ELP3: variants seen among roughly 807,000 people sequenced by gnomAD.
The protein encoded by ELP3 is elongator complex protein 3.
ELP3 carries 56 observed loss-of-function variants against 74.9 expected under a neutral mutation model. That is an observed-to-expected ratio of 0.75 (90% confidence interval 0.60 to 0.93). ELP3 has a LOEUF of 0.93. Ranked by LOEUF, ELP3 falls within the 40% of genes least tolerant of loss-of-function variation. The pLI is 0.00. For missense variants in ELP3, 573 were observed against 686.5 expected, an observed-to-expected ratio of 0.83 and a Z score of 1.85; for synonymous variants, 222 against 239.8, an observed-to-expected ratio of 0.93 and a Z score of 0.68.
At position 28,107,822 on chromosome 8, in the gene ELP3, T is replaced by C. The variant is rs77315736; in HGVS notation, c.330-91T>C. On this transcript the variant is annotated intron_variant, in intron 4 of 14. Coordinates refer to ENST00000256398, the MANE Select transcript of ELP3 (RefSeq NM_018091.6). ...ATTTGAAAAGGAAGCTCATTTGTTA[T>C]CAGGATTCTTTGGAGATGGTAGATG... The C allele has an allele frequency of 2.2e-3, 2,057 of 939,536 alleles. 38 individuals carry two copies. In the African/African-American group the frequency reaches 0.03, roughly 14 times the overall value. The allele number at this position is 939,536 out of a possible 1,614,324, so 58.2% of individuals were successfully genotyped here.
chr8:28,110,340 T>G (rs1340780212), intron 5 of ELP3, 30 bp from the exon 6 acceptor site: 5 of 1,584,328 alleles, frequency 3.2e-6, no homozygotes, highest in Non-Finnish European at 4.3e-6. Context: ...TTTAATTCAA[T>G]GTGGGCATAA....
In ELP3 at chr8:28,189,715, T is replaced by C; in HGVS notation, c.1634T>C (p.Met545Thr). 1 of 1,614,058 alleles carries C rather than the reference T, an allele frequency of 6.2e-7. No individual in the cohort carries two copies. Among genetic ancestry groups the C allele is most frequent in the Non-Finnish European group, 8.5e-7 (1 of 1,179,930 alleles). Residue 545 changes from methionine (M) to threonine (T), a missense_variant, in exon 15 of 15, where the codon ATG becomes ACG. Physicochemically the swap from Met to Thr is moderately conservative, Grantham distance 81. Transcript: ENST00000256398. The stretch of plus-strand genomic sequence containing the variant: ...TTACAAGGCCCGTACATGGTGAAGA[T>C]GCTGAAATAATGGCCACACCAGTCC... ...YRLQGPYMVK[M>T]LK
intron 9 of ELP3, among the ~76,000 whole-genome samples, chr8:28,134,037 G>A (rs1341602902): frequency 6.6e-6 from 1 of 152,090 alleles, no homozygotes; most frequent in Non-Finnish European, 1.5e-5. Context: ...CATGTGCCAC[G>A]TTGGTTGGCT....
chr8:28,163,728 A>T (rs977428919), intron 14 of ELP3, among the ~76,000 whole-genome samples: 3 of 152,212 alleles, frequency 2.0e-5, no homozygotes, highest in Non-Finnish European at 2.9e-5. Context: ...CCCTCTGCAC[A>T]TGTGTCTGTG....
chr8:28,157,649 T>A (rs1585721867), intron 11 of ELP3, among the ~76,000 whole-genome samples: 1 of 152,330 alleles, frequency 6.6e-6, no homozygotes, highest in East Asian at 1.9e-4. Context: ...ATCATCAAAT[T>A]TCCCACAGTG....
chr8:28,141,084 C>G (rs1813218744), intron 10 of ELP3, among the ~76,000 whole-genome samples: 1 of 152,142 alleles, frequency 6.6e-6, no homozygotes, highest in Non-Finnish European at 1.5e-5. Context: ...TTATTGCCTG[C>G]TAACAGAACT....
At chr8:28,156,177 C>A in intron 11 of ELP3, 145 bp downstream of exon 11, 1 of 680,772 alleles carries the variant, frequency 1.5e-6, no homozygotes, top group Non-Finnish European at 2.6e-6. Context: ...AGTCACTGAA[C>A]TGTGTCGGAG....
upstream of ELP3, among the ~76,000 whole-genome samples, chr8:28,091,535 G>A (rs1263773275): frequency 6.6e-6 from 1 of 152,188 alleles, no homozygotes; most frequent in Admixed American, 6.5e-5. Context: ...TCATAGTGGG[G>A]TCAAAGCCTC....
intron 14 of ELP3, among the ~76,000 whole-genome samples, chr8:28,167,593 A>G (rs1287066157): frequency 1.3e-5 from 2 of 152,198 alleles, no homozygotes; most frequent in Non-Finnish European, 2.9e-5. Flanking sequence ...TCATTGTAGC[A>G]TATCTATTTG....
chr8:28,168,649 T>C (rs533846519), intron 14 of ELP3, among the ~76,000 whole-genome samples: 1 of 152,296 alleles, frequency 6.6e-6, no homozygotes, highest in East Asian at 1.9e-4. Flanking sequence ...AAGCAAGCCC[T>C]CTCCAAAAGT....
At chr8:28,097,185 C>A in intron 1 of ELP3, 34 bp from the exon 2 acceptor site, 1 of 1,430,030 alleles carries the variant, frequency 7.0e-7, no homozygotes, top group Non-Finnish European at 9.7e-7. Flanking sequence ...TTGAATGATA[C>A]GATTTTTGAC....
chr8:28,106,040 A>G (rs190672166), intron 3 of ELP3, among the ~76,000 whole-genome samples: 1 of 152,364 alleles, frequency 6.6e-6, no homozygotes, highest in Admixed American at 6.5e-5. Flanking sequence ...AGAATTGCTT[A>G]AAGAAATTTT....
chr8:28,186,548 G>A (rs567094391), intron 14 of ELP3, among the ~76,000 whole-genome samples: 12 of 152,236 alleles, frequency 7.9e-5, no homozygotes, highest in Admixed American at 5.2e-4. Context: ...GTCCATTTTC[G>A]ATTGCTTATA....
chr8:28,167,072 A>G (rs1814334678), intron 14 of ELP3, among the ~76,000 whole-genome samples: 1 of 152,242 alleles, frequency 6.6e-6, no homozygotes, highest in African/African-American at 2.4e-5. Flanking sequence ...GACAGAAATC[A>G]CTGAAGTCAG....
chr8:28,190,135 AGT>A lies in ELP3; in HGVS notation c.*411_*412del, dbSNP rs1815402857. On this transcript the variant is annotated 3_prime_UTR_variant, in exon 15 of 15. Transcript: ENST00000256398. ...TTATTTATATACCCTGGGGACAGAA[AGT>A]CAGGTTGAAACAGGAAAACCACCAG... 1.3e-5 allele frequency: 2 copies of A among 158,864 alleles called. No homozygotes were observed. The highest frequency in any genetic ancestry group is 4.8e-5 in the African/African-American group (2 of 41,586). 9.8% of individuals were successfully genotyped at this position (158,864 alleles called of 1,614,324 possible). A position where few individuals can be genotyped will look rare whatever the true frequency, so the allele number is the denominator to read the frequency against.
intron 3 of ELP3, 58 bp from the exon 4 acceptor site, chr8:28,106,655 T>C: frequency 6.9e-7 from 1 of 1,451,082 alleles, no homozygotes; most frequent in South Asian, 1.2e-5. Flanking sequence ...ATAAGCACTC[T>C]GTGGAGTTTT....
intron 14 of ELP3, among the ~76,000 whole-genome samples, chr8:28,176,333 C>T (rs1270962968): frequency 6.6e-6 from 1 of 152,186 alleles, no homozygotes; most frequent in Non-Finnish European, 1.5e-5. Context: ...AAAACAAAGA[C>T]AAGTGTCTGC....
At chr8:28,093,603 C>A in intron 1 of ELP3, 1 of 258,460 alleles carries the variant, frequency 3.9e-6, no homozygotes, top group Non-Finnish European at 7.4e-6. Context: ...TCTTTTAAAG[C>A]CTTATTTTAA....
chr8:28,097,685 C>T (rs113629737), intron 2 of ELP3, among the ~76,000 whole-genome samples: 18,674 of 151,926 alleles, frequency 0.12, 1,270 homozygotes, highest in East Asian at 0.31. Context: ...CGTGAGTCAC[C>T]GCACCCGGCC....
Sources: allele counts gnomAD v4.1 joint callset (sites outside exome capture counted in the v4.1 genomes callset), GRCh38; gene constraint gnomAD v4.1.1; transcripts MANE v1.5; gene names NCBI Gene and HGNC (gene_info 2026-07-23, HGNC 2026-07-21).